PDE1C: variants seen among roughly 807,000 people sequenced by gnomAD.
The protein encoded by PDE1C is phosphodiesterase 1C, also known as dual specificity calcium/calmodulin-dependent 3',5'-cyclic nucleotide phosphodiesterase 1C.
PDE1C carries 62 observed loss-of-function variants against 93.1 expected under a neutral mutation model. That is an observed-to-expected ratio of 0.67 (90% CI 0.54 to 0.82). PDE1C has a LOEUF of 0.82. Among genes scored for constraint, PDE1C ranks in the 40% least tolerant of loss-of-function variants. The pLI is 0.00. For synonymous variants in PDE1C, 325 were observed against 310.1 expected, an observed-to-expected ratio of 1.05 and a Z score of -0.50; for missense variants, 742 against 884.6, an observed-to-expected ratio of 0.84 and a Z score of 2.04.
chr7:32,375,865 T>C (rs895686057), intron 1 of PDE1C, among the ~76,000 whole-genome samples: 1 of 152,186 alleles, frequency 6.6e-6, no homozygotes, highest in African/African-American at 2.4e-5. Flanking sequence ...CCTTAAAATA[T>C]TCACAACCAG....
the PDE1C span, chr7:31,653,751 G>A: frequency 6.6e-6 from 1 of 152,130 alleles, no homozygotes; most frequent in African/African-American, 2.4e-5. Flanking sequence ...TCCTTTCACA[G>A]AATATAAACA....
At chr7:32,177,860 A>G (rs1803118750) in intron 2 of PDE1C, among the ~76,000 whole-genome samples, 2 of 152,176 alleles carry the variant, frequency 1.3e-5, no homozygotes. Flanking sequence ...ACTGTATTTA[A>G]TAATAAACCC....
intron 7 of PDE1C, among the ~76,000 whole-genome samples, chr7:31,855,588 CA>C (rs1247350884): frequency 1.3e-5 from 2 of 151,618 alleles, no homozygotes; most frequent in African/African-American, 2.4e-5. Context: ...ACTCTTCAAA[CA>C]AAATGTAATT....
At chr7:32,031,238 T>C (rs1292289468) in intron 2 of PDE1C, among the ~76,000 whole-genome samples, 1 of 152,334 alleles carries the variant, frequency 6.6e-6, no homozygotes, top group East Asian at 1.9e-4. Flanking sequence ...ATGTTCATTT[T>C]ATATCCAAAA....
intron 1 of PDE1C, among the ~76,000 whole-genome samples, chr7:32,274,286 C>T (rs1412107033): frequency 2.7e-5 from 4 of 150,832 alleles, no homozygotes; most frequent in Non-Finnish European, 4.4e-5. Flanking sequence ...CAGCTCACTG[C>T]AGCCTTGAAC....
At chr7:32,393,487 A>G (rs1784788432) in intron 1 of PDE1C, among the ~76,000 whole-genome samples, 1 of 152,170 alleles carries the variant, frequency 6.6e-6, no homozygotes, top group South Asian at 2.1e-4. Context: ...TCTATCATTT[A>G]ATTATTTTTA....
At chr7:31,625,922 A>G in the PDE1C span, among the ~76,000 whole-genome samples, 33 of 152,308 alleles carry the variant, frequency 2.2e-4, 1 homozygote, top group Admixed American at 1.2e-3. Context: ...AGGTACACCT[A>G]ATGTTAGTAA....
rs948955635 is a variant in PDE1C, at chr7:31,877,818, T to G, written c.492+152A>C. ...ATGAAGGGTGAAAAGACAGTGATAC[T>G]GTTAGAACAAATAATAAAAAGATAA... On this transcript the variant is annotated intron_variant, in intron 5 of 17. Coordinates refer to ENST00000396191, the MANE Select transcript of PDE1C (RefSeq NM_001191057.4). 32 of 594,142 alleles carry G rather than the reference T, an allele frequency of 5.4e-5. No individual in the cohort carries two copies. The East Asian group carries it at 9.1e-4, about 17-fold the overall frequency. 36.8% of individuals were successfully genotyped at this position (594,142 alleles called of 1,614,324 possible).
intron 16 of PDE1C, among the ~76,000 whole-genome samples, chr7:31,801,313 G>T (rs977005987): frequency 1.3e-5 from 2 of 151,200 alleles, no homozygotes; most frequent in Non-Finnish European, 3.0e-5. Flanking sequence ...GATATTAAAA[G>T]AATAATAACA....
chr7:32,147,991 A>AAAAAAAAAAAAAAAAAAG lies in PDE1C; in HGVS notation c.308+21793_308+21794insCTTTTTTTTTTTTTTTTT, dbSNP rs1563353783. On this transcript the variant is annotated intron_variant, in intron 3 of 18. Transcript: ENST00000396193. ...CTCTCAACCCATTTATGCTAAAAAAAAAAAAAAAAAAAAAGCCTAACCTTT... is the reference window on the plus strand; with the variant it reads ...CTCTCAACCCATTTATGCTAAAAAAAAAAAAAAAAAAAAAAAAGAAAAAAAAAAAAAAGCCTAACCTTT... Among the ~76,000 whole-genome samples the AAAAAAAAAAAAAAAAAAG allele has an allele frequency of 2.1e-5, 3 of 140,736 alleles. 1 individual carries two copies. In the East Asian group the frequency reaches 5.9e-4, roughly 28 times the overall value. The allele number at this position is 140,736 out of a possible 152,430, so 92.3% of individuals were successfully genotyped here. A position where few individuals can be genotyped will look rare whatever the true frequency, so the allele number is the denominator to read the frequency against.
In PDE1C at chr7:32,184,472, A is replaced by G. The variant is rs1803699652; in HGVS notation, c.137-14516T>C. The stretch of plus-strand genomic sequence containing the variant: ...ACACCATGGAATACTATGCAGCCAT[A>G]AAAAAGGATGAGTTCATGTCCTTTG... On this transcript the variant is annotated intron_variant, in intron 2 of 18. Coordinates refer to the PDE1C transcript ENST00000396193. Among the ~76,000 whole-genome samples the G allele has an allele frequency of 3.3e-5, 5 of 152,312 alleles. No homozygotes were observed. The South Asian group carries it at 1.0e-3, about 32-fold the overall frequency.
intron 2 of PDE1C, among the ~76,000 whole-genome samples, chr7:32,015,609 A>G (rs556130487): frequency 6.6e-6 from 1 of 152,278 alleles, no homozygotes; most frequent in African/African-American, 2.4e-5. Context: ...TTCAAACACA[A>G]AGATGCCATA....
At chr7:32,114,839 TA>T (rs202181172) in intron 3 of PDE1C, among the ~76,000 whole-genome samples, 1,564 of 152,164 alleles carry the variant, frequency 0.01, 12 homozygotes, top group Middle Eastern at 0.017. Context: ...AAAAGACATT[TA>T]TGCAGCCAAC....
chr7:31,621,756 A>C, the PDE1C span, among the ~76,000 whole-genome samples: 6 of 148,222 alleles, frequency 4.0e-5, no homozygotes, highest in East Asian at 2.0e-4. Flanking sequence ...ACACATAACA[A>C]TATTAACTTT....
chr7:31,773,030 C>T (rs1174417270), intron 17 of PDE1C, among the ~76,000 whole-genome samples: 1 of 152,170 alleles, frequency 6.6e-6, no homozygotes, highest in East Asian at 1.9e-4. Flanking sequence ...AGCACATCTG[C>T]TAGTGAAAGC....
intron 2 of PDE1C, among the ~76,000 whole-genome samples, chr7:32,039,087 A>G (rs1231957697): frequency 2.6e-5 from 4 of 152,150 alleles, no homozygotes; most frequent in African/African-American, 9.7e-5. Flanking sequence ...TATTGTTATT[A>G]TTAAGTACCT....
At chr7:32,057,689 G>T (rs1159337442) in intron 1 of PDE1C, among the ~76,000 whole-genome samples, 1 of 152,212 alleles carries the variant, frequency 6.6e-6, no homozygotes, top group African/African-American at 2.4e-5. Context: ...TCTGTCCACA[G>T]TCAGGGGCAA....
At chr7:32,337,715 G>C (rs1041754265) in intron 1 of PDE1C, among the ~76,000 whole-genome samples, 1 of 108,572 alleles carries the variant, frequency 9.2e-6, no homozygotes, top group African/African-American at 2.5e-5. Context: ...GAGGAGAGGA[G>C]AAAAGGGAAA....
At chr7:31,983,950 G>A (rs1421855138) in intron 2 of PDE1C, among the ~76,000 whole-genome samples, 1 of 152,146 alleles carries the variant, frequency 6.6e-6, no homozygotes, top group African/African-American at 2.4e-5. Context: ...GGGTGGAGTA[G>A]GTCAAAGATG....
Sources: gnomAD v4.1 joint callset for allele counts (sites outside exome capture counted in the v4.1 genomes callset) on GRCh38, gnomAD v4.1.1 for gene constraint, MANE v1.5 for transcripts, NCBI Gene and HGNC (gene_info 2026-07-23, HGNC 2026-07-21) for gene names.